MACROD2: variants seen among roughly 807,000 people sequenced by gnomAD.
The protein encoded by MACROD2 is ADP-ribose glycohydrolase MACROD2.
In MACROD2, 36 loss-of-function variants were observed where a neutral mutation model predicts 70.4. The observed-to-expected ratio is 0.51, with a 90% confidence interval of 0.39 to 0.68. The LOEUF is 0.68. MACROD2 is among the 30% of genes least tolerant of loss of function. The pLI, the probability that MACROD2 is intolerant of heterozygous loss-of-function variation, is 0.00. For missense variants in MACROD2, 496 were observed against 538.4 expected (o/e 0.92, Z 0.78); for synonymous variants, 172 against 178.8 (o/e 0.96, Z 0.30).
intron 3 of MACROD2, among the ~76,000 whole-genome samples, chr20:14,342,044 G>C (rs539823979): frequency 2.0e-5 from 3 of 152,112 alleles, no homozygotes; most frequent in Non-Finnish European, 4.4e-5. Flanking sequence ...CGGAGCCCTG[G>C]GGGGGTCACT....
At position 14,645,921 on chromosome 20, in the gene MACROD2, A is replaced by G. The variant is rs867099080; in HGVS notation, c.302-38922A>G. ...TGCAGAAATGGATTGTCATAATTCC[A>G]GATGAAATCAATAATACATACTCCC... is the stretch of plus-strand genomic sequence containing the variant. On this transcript the variant is annotated intron_variant, in intron 4 of 17. Transcript: ENST00000684519. Among the ~76,000 whole-genome samples, 31 of 152,090 alleles carry G rather than the reference A, an allele frequency of 2.0e-4. 1 individual carries two copies. Among genetic ancestry groups the G allele is most frequent in the Middle Eastern group, 3.4e-3 (1 of 294 alleles).
intron 15 of MACROD2, among the ~76,000 whole-genome samples, chr20:16,012,423 A>G (rs2066875746): frequency 6.6e-6 from 1 of 152,200 alleles, no homozygotes; most frequent in African/African-American, 2.4e-5. Context: ...CTCCCGACCA[A>G]TTAAGTCTGA....
At chr20:14,626,570 CAG>C (rs1984180082) in intron 4 of MACROD2, among the ~76,000 whole-genome samples, 1 of 152,136 alleles carries the variant, frequency 6.6e-6, no homozygotes. Flanking sequence ...GGTTCTAACA[CAG>C]GGAATGCTGC....
At chr20:15,777,603 C>T (rs1174275327) in intron 8 of MACROD2, among the ~76,000 whole-genome samples, 2 of 129,218 alleles carry the variant, frequency 1.5e-5, no homozygotes, top group African/African-American at 6.0e-5. Context: ...CCTTCCTTCC[C>T]TCCCTCCCTC....
intron 2 of MACROD2, among the ~76,000 whole-genome samples, chr20:14,041,620 G>C (rs2053391779): frequency 6.6e-6 from 1 of 152,190 alleles, no homozygotes; most frequent in Admixed American, 6.5e-5. Context: ...GACAAGATTA[G>C]ATTCCTGAAA....
chr20:14,514,771 G>C (rs2123157508), intron 4 of MACROD2, among the ~76,000 whole-genome samples: 1 of 152,110 alleles, frequency 6.6e-6, no homozygotes, highest in Non-Finnish European at 1.5e-5. Flanking sequence ...AAAAGACCTA[G>C]GATACAATGG....
intron 6 of MACROD2, among the ~76,000 whole-genome samples, chr20:15,308,388 T>C (rs2077718526): frequency 6.6e-6 from 1 of 152,150 alleles, no homozygotes; most frequent in Admixed American, 6.5e-5. Flanking sequence ...TGTAGATAAG[T>C]TCATCATTCA....
At chr20:14,741,330 A>C (rs2071729416) in intron 5 of MACROD2, among the ~76,000 whole-genome samples, 1 of 152,164 alleles carries the variant, frequency 6.6e-6, no homozygotes, top group South Asian at 2.1e-4. Flanking sequence ...CATAAGCAGT[A>C]ATATTTTTTA....
intron 8 of MACROD2, among the ~76,000 whole-genome samples, chr20:15,514,938 T>G (rs1404578863): frequency 2.0e-5 from 3 of 152,236 alleles, no homozygotes; most frequent in Non-Finnish European, 2.9e-5. Context: ...CTTTCAATGC[T>G]TATGAATCTC....
intron 5 of MACROD2, among the ~76,000 whole-genome samples, chr20:14,989,657 A>G (rs555107930): frequency 1.1e-4 from 16 of 152,092 alleles, no homozygotes; most frequent in Non-Finnish European, 2.1e-4. Context: ...CTAAATATGG[A>G]TGTTTCTAGA....
At chr20:15,204,833 G>C (rs1320536647) in intron 5 of MACROD2, among the ~76,000 whole-genome samples, 1 of 152,006 alleles carries the variant, frequency 6.6e-6, no homozygotes, top group Admixed American at 6.6e-5. Context: ...GCTAAAGAAA[G>C]AAAAAGATTC....
At chr20:14,012,419 A>T (rs977777760) in intron 2 of MACROD2, among the ~76,000 whole-genome samples, 1 of 152,222 alleles carries the variant, frequency 6.6e-6, no homozygotes, top group African/African-American at 2.4e-5. Flanking sequence ...GTATGAGATT[A>T]TCAGTATGAG....
chr20:15,114,066 G>C (rs914571698), intron 5 of MACROD2, among the ~76,000 whole-genome samples: 9 of 152,120 alleles, frequency 5.9e-5, no homozygotes, highest in Non-Finnish European at 5.9e-5. Flanking sequence ...CGCTATCCAA[G>C]GATTCATCAA....
chr20:15,021,514 A>G (rs1240919763), intron 5 of MACROD2: 1 of 150,840 alleles, frequency 6.6e-6, no homozygotes, highest in Non-Finnish European at 1.5e-5. Flanking sequence ...ATATGCCTAT[A>G]TGTGTGTATA....
chr20:15,131,876 TTTAGTACTTG>T (rs1257549814), intron 5 of MACROD2, among the ~76,000 whole-genome samples: 3 of 151,988 alleles, frequency 2.0e-5, no homozygotes, highest in African/African-American at 7.2e-5. Context: ...AATATGAATG[TTTAGTACTTG>T]TTAAGATAAT....
intron 7 of MACROD2, among the ~76,000 whole-genome samples, chr20:15,492,873 C>T (rs2047249869): frequency 6.6e-6 from 1 of 152,130 alleles, no homozygotes; most frequent in Non-Finnish European, 1.5e-5. Flanking sequence ...CTGCTCCTAA[C>T]TTCTGGATAT....
intron 5 of MACROD2, among the ~76,000 whole-genome samples, chr20:15,029,288 A>C (rs551502878): frequency 7.9e-5 from 12 of 152,310 alleles, no homozygotes; most frequent in South Asian, 2.1e-4. Context: ...TTCTCATTCT[A>C]ATTCAGAAGA....
chr20:14,702,585 A>G (rs1237847935), intron 5 of MACROD2, among the ~76,000 whole-genome samples: 1 of 69,170 alleles, frequency 1.4e-5, no homozygotes, highest in East Asian at 6.0e-4. Context: ...GTGTATATAT[A>G]TGTATATATA....
chr20:15,336,150 T>G (rs544824814), intron 6 of MACROD2, among the ~76,000 whole-genome samples: 2 of 151,710 alleles, frequency 1.3e-5, no homozygotes, highest in Non-Finnish European at 1.5e-5. Context: ...ATCGTGTTAG[T>G]AAAATTAAAT....
Sources: gnomAD v4.1 joint callset for allele counts (sites outside exome capture counted in the v4.1 genomes callset) on GRCh38, gnomAD v4.1.1 for gene constraint, MANE v1.5 for transcripts, NCBI Gene and HGNC (gene_info 2026-07-23, HGNC 2026-07-21) for gene names.